SHC1: variants seen among roughly 807,000 people sequenced by gnomAD.
The protein encoded by SHC1 is SHC-transforming protein 1.
In SHC1, 30 loss-of-function variants were observed where a neutral mutation model predicts 55.9. The observed-to-expected ratio is 0.54, with a 90% CI of 0.40 to 0.73. The LOEUF is 0.73. SHC1 is among the 30% of genes least tolerant of loss of function. The pLI, the probability that SHC1 is intolerant of heterozygous loss-of-function variation, is 0.00. For missense variants in SHC1, 675 were observed against 777.1 expected, an observed-to-expected ratio of 0.87 and a Z score of 1.56; for synonymous variants, 309 against 306.1, an observed-to-expected ratio of 1.01 and a Z score of -0.10.
Position 154,970,455 on chromosome 1 carries a change from C to T in SHC1, c.72G>A (p.Gly24=). ...CCTCCGGGGGGGTGGACCCAGAAGC[C>T]CCTTCCTCCAGCGATGACAGAGACT... ...RNESLSSLEE[G]ASGSTPPEEL... is the part of the protein sequence containing the mutation. Residue 24 remains glycine (G), a synonymous_variant, in exon 1 of 12, where the codon GGG becomes GGA. Coordinates refer to ENST00000448116, the MANE Select transcript of SHC1 (RefSeq NM_001130040.2). The surrounding 1 kb of genome is among the most constrained non-coding windows in gnomAD (Gnocchi z 5.5). The T allele has an allele frequency of 6.2e-7, 1 of 1,611,852 alleles. No homozygotes were observed. The highest frequency in any genetic ancestry group is 1.1e-5 in the South Asian group (1 of 90,986).
chr1:154,973,510 T>G (rs1252840876), upstream of SHC1: 1 of 57,506 alleles, frequency 1.7e-5, no homozygotes, highest in African/African-American at 1.2e-4. Context: ...AAACTCCGTC[T>G]TAAAAAAAAA....
chr1:154,972,436 C>A (rs1656837623), upstream of SHC1, among the ~76,000 whole-genome samples: 1 of 152,094 alleles, frequency 6.6e-6, no homozygotes, highest in Non-Finnish European at 1.5e-5. Context: ...ACTCTGCCAG[C>A]CAATCCTGAG....
chr1:154,964,411 C>G, intron 11 of SHC1: 1 of 382,654 alleles, frequency 2.6e-6, no homozygotes, highest in Non-Finnish European at 5.2e-6. Context: ...TGTGCCACCA[C>G]ACCGCAGCCT....
Position 154,963,846 on chromosome 1 carries a change from C to T in SHC1, c.1712G>A (p.Gly571Asp). Residue 571 changes from glycine to aspartate, a missense_variant, in exon 12 of 12, where the codon GGC becomes GAC. Physicochemically the swap from Gly to Asp is moderately conservative, Grantham distance 94. This residue lies in a region of SHC1 where 360 missense variants were observed against 371.1 expected (regional missense o/e 0.97). Transcript: ENST00000448116. ...AGGTTGCTGTAGACACAGTTCGCTGCCCGCAGAGATGATGGGCAAGTGATT... is the reference window on the plus strand; with the variant it reads ...AGGTTGCTGTAGACACAGTTCGCTGTCCGCAGAGATGATGGGCAAGTGATT... ...MDNHLPIISA[G>D]SELCLQQPVE... 6.2e-7 allele frequency: 1 copy of T among 1,614,188 alleles called. No homozygotes were observed. Among genetic ancestry groups the T allele is most frequent in the Non-Finnish European group, 8.5e-7 (1 of 1,180,022 alleles).
intron 7 of SHC1, among the ~76,000 whole-genome samples, 183 bp downstream of exon 7, chr1:154,967,488 G>A (rs533853826): frequency 6.6e-6 from 1 of 152,254 alleles, no homozygotes; most frequent in African/African-American, 2.4e-5. Flanking sequence ...CTGGTCCTGC[G>A]GCAAGCAGGG....
intron 11 of SHC1, 131 bp downstream of exon 11, chr1:154,965,412 A>G: frequency 7.4e-6 from 12 of 1,611,432 alleles, no homozygotes; most frequent in Non-Finnish European, 1.0e-5. Context: ...CACTTTAAAG[A>G]GCAAGAGAGG....
chr1:154,967,309 A>AT (rs1408971606), intron 7 of SHC1, among the ~76,000 whole-genome samples: 2 of 152,198 alleles, frequency 1.3e-5, no homozygotes. Context: ...GAAAAGAGAT[A>AT]TCCTCCCAAA....
intron 6 of SHC1, 85 bp downstream of exon 6, chr1:154,967,895 T>C (rs113767897): frequency 6.3e-7 from 1 of 1,599,892 alleles, no homozygotes. Flanking sequence ...CACTGAGATC[T>C]ACTTAGAGTG....
chr1:154,969,566 G>C (rs1656472144), intron 1 of SHC1, 118 bp from the exon 2 acceptor site: 1 of 688,680 alleles, frequency 1.5e-6, no homozygotes, highest in Non-Finnish European at 2.6e-6. Flanking sequence ...AAGAAGTTCT[G>C]CCCACTTCCC....
intron 4 of SHC1, 88 bp from the exon 5 acceptor site, chr1:154,968,345 T>C (rs1271966928): frequency 6.5e-7 from 1 of 1,532,996 alleles, no homozygotes; most frequent in Non-Finnish European, 9.0e-7. Context: ...CCCAGTCTCA[T>C]TCTCTGGGTT....
At position 154,968,555 on chromosome 1, in the gene SHC1, C is replaced by T; in HGVS notation, c.690G>A (p.Met230Ile). 3 of 1,614,120 alleles carry T rather than the reference C, an allele frequency of 1.9e-6. No individual in the cohort carries two copies. The highest frequency in any genetic ancestry group is 2.2e-5 in the East Asian group (1 of 44,884). The change falls in exon 4 of 12, where the codon ATG (methionine) becomes ATA (isoleucine). Residue 230 changes from methionine to isoleucine, a missense_variant. Transcript: ENST00000448116. The part of the protein sequence containing the change: ...LGRSNLKFAG[M>I]PITLTVSTSS... ...TGGTGGAGACGGTGAGAGTGATTGG[C>T]ATTCCAGCAAATTTCAGGTTACTCC...
intron 11 of SHC1, 192 bp downstream of exon 11, chr1:154,965,351 T>C: frequency 6.4e-7 from 1 of 1,564,072 alleles, no homozygotes. Flanking sequence ...GCCAGGACTA[T>C]AAAGAACATA....
In SHC1 at chr1:154,963,892, G is replaced by C; in HGVS notation, c.1666C>G (p.Leu556Val). The C allele has an allele frequency of 6.2e-7, 1 of 1,614,202 alleles. No homozygotes were observed. Among genetic ancestry groups the C allele is most frequent in the Non-Finnish European group, 8.5e-7 (1 of 1,180,006 alleles). ...KDHRFESVSH[L>V]ISYHMDNHLP... ...TGATTGTCCATGTGGTAGCTGATAA[G>C]GTGACTGACACTTTCAAAGCGGTGA... The change falls in exon 12 of 12, where the codon CTT becomes GTT. Residue 556 changes from leucine (L) to valine (V), a missense_variant. Physicochemically the swap from Leu to Val is conservative, Grantham distance 32. Transcript: ENST00000448116.
chr1:154,963,812 C>A lies in SHC1; in HGVS notation c.1746G>T (p.Arg582=), dbSNP rs188123468. Reference sequence around the variant, plus strand: ...AGAGCGCTAGGGCAGATCACAGTTTCCGCTCCACAGGTTGCTGTAGACACA... The same window carrying A: ...AGAGCGCTAGGGCAGATCACAGTTTACGCTCCACAGGTTGCTGTAGACACA... ...SELCLQQPVE[R]KL Residue 582 remains arginine, a synonymous_variant, in exon 12 of 12, where the codon CGG becomes CGT. Coordinates refer to ENST00000448116, the MANE Select transcript of SHC1 (RefSeq NM_001130040.2). 1.1e-5 allele frequency: 18 copies of A among 1,613,878 alleles called. No homozygotes were observed. Among genetic ancestry groups the A allele is most frequent in the African/African-American group, 2.7e-5 (2 of 75,046 alleles).
chr1:154,968,280 A>C (rs1558057786), intron 4 of SHC1, 23 bp from the exon 5 acceptor site: 1 of 1,613,394 alleles, frequency 6.2e-7, no homozygotes, highest in Admixed American at 1.7e-5. Flanking sequence ...GCAGGGGATG[A>C]AGAAGGAAGG....
chr1:154,965,648 C>T lies in SHC1; in HGVS notation c.1521G>A (p.Gly507=). 1 of 1,614,114 alleles carries T rather than the reference C, an allele frequency of 6.2e-7. No homozygotes were observed. Among genetic ancestry groups the T allele is most frequent in the African/African-American group, 1.3e-5 (1 of 75,006 alleles). Residue 507 remains glycine (G), a synonymous_variant, in exon 11 of 12, where the codon GGG becomes GGA. Transcript: ENST00000448116. ...REAEALLQLN[G]DFLVRESTTT... The stretch of plus-strand genomic sequence containing the variant: ...TCGTGCTCTCCCGTACCAGGAAGTC[C>T]CCATTGAGCTGCAGCAGTGCCTCAG...
At chr1:154,968,388 A>T (rs1415417095) in intron 4 of SHC1, 107 bp downstream of exon 4, 1 of 1,549,196 alleles carries the variant, frequency 6.5e-7, no homozygotes, top group South Asian at 1.1e-5. Flanking sequence ...CTCCTTCCCT[A>T]CTGGTCTCCT....
At chr1:154,969,691 T>TTG (rs1200953451) in intron 1 of SHC1, among the ~76,000 whole-genome samples, 1 of 151,980 alleles carries the variant, frequency 6.6e-6, no homozygotes, top group Middle Eastern at 3.2e-3. Flanking sequence ...CCGACAGGCA[T>TTG]TGGCTGGGAT....
At chr1:154,965,803 G>A in intron 10 of SHC1, 22 bp from the exon 11 acceptor site, 1 of 1,599,808 alleles carries the variant, frequency 6.3e-7, no homozygotes, top group Non-Finnish European at 8.6e-7. Flanking sequence ...GAGGGAGGGT[G>A]AGGGGAAGTA....
Sources: allele counts gnomAD v4.1 joint callset (sites outside exome capture counted in the v4.1 genomes callset), GRCh38; gene constraint gnomAD v4.1.1; regional missense constraint gnomAD v4.1.1; non-coding constraint Gnocchi (gnomAD v3.1); transcripts MANE v1.5; gene names NCBI Gene and HGNC (gene_info 2026-07-23, HGNC 2026-07-21).